Variants in GSE1 observed in about 807,000 individuals in gnomAD.
GSE1 encodes the protein genetic suppressor element 1.
Under a neutral mutation model 112.6 loss-of-function variants are expected in GSE1, and 32 were observed. The ratio of observed to expected loss-of-function variants is 0.28; its 90% confidence interval spans 0.21 to 0.38. The LOEUF is 0.38. Ranked by LOEUF, GSE1 falls within the 10% of genes least tolerant of loss-of-function variation. The pLI is 1.00. For missense variants in GSE1, 2,348 were observed against 1,699.2 expected (o/e 1.38, Z -6.71); for synonymous variants, 1,115 against 735.6 (o/e 1.52, Z -8.35).
At chr16:85,622,222 A>T (rs750948941) in intron 1 of GSE1, among the ~76,000 whole-genome samples, 1 of 152,138 alleles carries the variant, frequency 6.6e-6, no homozygotes, top group South Asian at 2.1e-4. Flanking sequence ...CTTTTCCTGG[A>T]CAGCTCCATT....
At chr16:85,286,237 C>T (rs2045020700) in intron 1 of GSE1, among the ~76,000 whole-genome samples, 1 of 152,250 alleles carries the variant, frequency 6.6e-6, no homozygotes, top group African/African-American at 2.4e-5. Flanking sequence ...TGATATTTTC[C>T]AATACGGGGT....
intron 2 of GSE1, among the ~76,000 whole-genome samples, chr16:85,636,046 C>T (rs1468561420): frequency 6.6e-6 from 1 of 152,246 alleles, no homozygotes; most frequent in Non-Finnish European, 1.5e-5. Flanking sequence ...GCCGCTGGTC[C>T]CCACTGGCCA....
chr16:85,568,635 C>T (rs746500267), intron 1 of GSE1, among the ~76,000 whole-genome samples: 51 of 152,212 alleles, frequency 3.4e-4, no homozygotes, highest in Non-Finnish European at 6.3e-4. Context: ...GCCTCGTGAC[C>T]CAGATACGGG....
chr16:85,579,781 T>C (rs1325482916), intron 1 of GSE1, among the ~76,000 whole-genome samples: 3 of 152,188 alleles, frequency 2.0e-5, no homozygotes, highest in Non-Finnish European at 4.4e-5. Context: ...AAGTCTTAGG[T>C]TAGAACTAGC....
In GSE1 at chr16:85,664,758, TCA is replaced by T. The variant is rs530921576; in HGVS notation, c.2645-254_2645-253del. The stretch of plus-strand genomic sequence containing the variant: ...CACCGAGGTCCGTGGGCACAGTGAT[TCA>T]CAGAGGCGTCGTCACCGCACGGACA... On this transcript the variant is annotated intron_variant, in intron 11 of 15. Transcript: ENST00000253458. 6.0e-4 allele frequency: 247 copies of T among 411,888 alleles called. 2 individuals are homozygous for T. The highest frequency in any genetic ancestry group is 4.6e-3 in the African/African-American group (229 of 49,648). The allele number at this position is 411,888 out of a possible 1,614,324, so 25.5% of individuals were successfully genotyped here.
chr16:85,531,401 G>T (rs1354526016), intron 2 of GSE1, among the ~76,000 whole-genome samples: 1 of 152,122 alleles, frequency 6.6e-6, no homozygotes, highest in Non-Finnish European at 1.5e-5. Context: ...TGGGTAGACG[G>T]ATGAGCACAG....
intron 1 of GSE1, among the ~76,000 whole-genome samples, chr16:85,207,294 G>T (rs1339718060): frequency 6.6e-6 from 1 of 152,238 alleles, no homozygotes; most frequent in African/African-American, 2.4e-5. Context: ...CTGCGGGCCA[G>T]GCTCCTGGAT....
At chr16:85,556,130 T>G in exon 1 of GSE1, 1 of 886,184 alleles carries the variant, frequency 1.1e-6, no homozygotes, top group Non-Finnish European at 1.3e-6. Flanking sequence ...AGCCTTTTGA[T>G]CATCTTGCGG....
At position 85,674,469 on chromosome 16, in the gene GSE1, T is replaced by A. The variant is rs376526241; in HGVS notation, c.*1930T>A. Reference sequence around the variant, plus strand: ...GGGAGGTCAGCATGTTCCACAGGTGTTCAGAGGGAGTCTGCTACAAACTAT... The same window carrying A: ...GGGAGGTCAGCATGTTCCACAGGTGATCAGAGGGAGTCTGCTACAAACTAT... On this transcript the variant is annotated 3_prime_UTR_variant, in exon 16 of 16. Coordinates refer to ENST00000253458, the MANE Select transcript of GSE1 (RefSeq NM_014615.5). 23 of 152,308 alleles carry A rather than the reference T, an allele frequency of 1.5e-4. 2 individuals carry two copies. Among genetic ancestry groups the A allele is most frequent in the African/African-American group, 5.5e-4 (23 of 41,550 alleles). The allele number at this position is 152,308 out of a possible 1,614,324, so 9.4% of individuals were successfully genotyped here.
chr16:85,646,852 C>T (rs943494143), intron 2 of GSE1, among the ~76,000 whole-genome samples: 1 of 146,510 alleles, frequency 6.8e-6, no homozygotes, highest in Non-Finnish European at 1.5e-5. Flanking sequence ...CTCTGGGGAG[C>T]TGCTCTGGTC....
intron 2 of GSE1, chr16:85,359,480 A>G (rs1567710758): frequency 2.2e-6 from 1 of 453,020 alleles, no homozygotes; most frequent in Non-Finnish European, 4.4e-6. Flanking sequence ...TGGCAAATGA[A>G]TGAGTCATCC....
At chr16:85,580,565 C>T (rs1021706090) in intron 1 of GSE1, among the ~76,000 whole-genome samples, 27 of 152,344 alleles carry the variant, frequency 1.8e-4, no homozygotes, top group African/African-American at 6.3e-4. Context: ...GACACCGCAG[C>T]CTCCTGTTGG....
intron 1 of GSE1, chr16:85,583,612 C>T (rs983260759): frequency 5.9e-5 from 9 of 152,200 alleles, no homozygotes; most frequent in African/African-American, 1.2e-4. Context: ...CACACGGGCC[C>T]TGTGCTCTCC....
At chr16:85,599,371 T>C (rs2047368163) in intron 1 of GSE1, among the ~76,000 whole-genome samples, 1 of 152,202 alleles carries the variant, frequency 6.6e-6, no homozygotes, top group Non-Finnish European at 1.5e-5. Flanking sequence ...GACACCCCCT[T>C]AGAGCTGGGA....
At chr16:85,197,903 C>G (rs1402602621) in intron 1 of GSE1, among the ~76,000 whole-genome samples, 2 of 152,198 alleles carry the variant, frequency 1.3e-5, no homozygotes, top group African/African-American at 2.4e-5. Flanking sequence ...CAGCGTGGTT[C>G]TCGTGAGGTG....
chr16:85,379,382 G>A (rs1237945572), intron 2 of GSE1, among the ~76,000 whole-genome samples: 3 of 152,134 alleles, frequency 2.0e-5, no homozygotes, highest in Admixed American at 1.3e-4. Flanking sequence ...GGTGGCCCTC[G>A]GAAAAACCTT....
At chr16:85,445,046 G>C (rs1006819248) in intron 2 of GSE1, among the ~76,000 whole-genome samples, 1 of 152,222 alleles carries the variant, frequency 6.6e-6, no homozygotes, top group Non-Finnish European at 1.5e-5. Flanking sequence ...GCAGGGGAGC[G>C]GGGGCTGTCT....
intron 1 of GSE1, among the ~76,000 whole-genome samples, chr16:85,256,897 T>C (rs545756043): frequency 3.3e-4 from 51 of 152,344 alleles, no homozygotes; most frequent in African/African-American, 1.2e-3. Flanking sequence ...CTCACTGAAT[T>C]TCAAGTGCTC....
intron 2 of GSE1, among the ~76,000 whole-genome samples, chr16:85,521,582 G>A (rs562952437): frequency 1.3e-5 from 2 of 152,362 alleles, no homozygotes; most frequent in Non-Finnish European, 2.9e-5. Flanking sequence ...CTTCTTTACA[G>A]TGGTGTCCCT....
Sources: gnomAD v4.1 joint callset for allele counts (sites outside exome capture counted in the v4.1 genomes callset) on GRCh38, gnomAD v4.1.1 for gene constraint, MANE v1.5 for transcripts, NCBI Gene and HGNC (gene_info 2026-07-23, HGNC 2026-07-21) for gene names.